GPR149: variants seen among roughly 807,000 people sequenced by gnomAD.
GPR149 encodes the protein probable G protein-coupled receptor 149.
A neutral mutation model predicts 50.2 loss-of-function variants in GPR149; 50 were observed. That is an observed-to-expected ratio of 1.00 (90% CI 0.79 to 1.26). GPR149 has a LOEUF of 1.26. GPR149 is among the 50% of genes most tolerant of loss of function. The pLI is 0.00. For synonymous variants in GPR149, 405 were observed against 358.2 expected (o/e 1.13, Z -1.48); for missense variants, 983 against 895.4 (o/e 1.10, Z -1.25).
At chr3:154,385,578 T>G (rs573190195) in intron 3 of GPR149, among the ~76,000 whole-genome samples, 1 of 152,258 alleles carries the variant, frequency 6.6e-6, no homozygotes, top group South Asian at 2.1e-4. Flanking sequence ...CTTTTTGGTT[T>G]GTTCGTTTTT....
intron 3 of GPR149, among the ~76,000 whole-genome samples, chr3:154,366,454 T>C (rs1332245148): frequency 6.6e-5 from 10 of 152,222 alleles, no homozygotes. Flanking sequence ...ACAATCTCCA[T>C]TAATGCAGCC....
At chr3:154,396,535 G>T (rs1477004890) in intron 3 of GPR149, among the ~76,000 whole-genome samples, 1 of 152,006 alleles carries the variant, frequency 6.6e-6, no homozygotes, top group Non-Finnish European at 1.5e-5. Flanking sequence ...TTTTTAGACA[G>T]TTTAAATTAA....
chr3:154,353,782 G>T, intron 3 of GPR149: 1 of 728,290 alleles, frequency 1.4e-6, no homozygotes, highest in Non-Finnish European at 2.5e-6. Flanking sequence ...TGTCTTTCCT[G>T]TTCCTGTCCA....
chr3:154,429,378 T>G lies in GPR149; in HGVS notation c.238A>C (p.Met80Leu), dbSNP rs952589424. Residue 80 changes from methionine (M) to leucine (L), a missense_variant, in exon 1 of 4, where the codon ATG becomes CTG. Met to Leu is a conservative substitution (Grantham distance 15). Coordinates refer to ENST00000389740, the MANE Select transcript of GPR149 (RefSeq NM_001038705.3). ...LVASWSVDDL[M>L]SVLSVTIFMF... ...AAGATGGTCACCGACAGGACGCTCA[T>G]GAGATCATCCACAGACCAGGAAGCC... 5.6e-6 allele frequency: 9 copies of G among 1,614,044 alleles called. No individual in the cohort carries two copies. Among genetic ancestry groups the G allele is most frequent in the Non-Finnish European group, 7.6e-6 (9 of 1,180,028 alleles).
At chr3:154,374,279 A>G (rs1714741343) in intron 3 of GPR149, among the ~76,000 whole-genome samples, 1 of 148,984 alleles carries the variant, frequency 6.7e-6, no homozygotes, top group Non-Finnish European at 1.5e-5. Flanking sequence ...GGTTCAAGCG[A>G]TTCTTGTGCC....
At chr3:154,410,496 C>T (rs922205997) in intron 3 of GPR149, among the ~76,000 whole-genome samples, 1 of 151,828 alleles carries the variant, frequency 6.6e-6, no homozygotes, top group African/African-American at 2.4e-5. Flanking sequence ...ACTCGCCTAA[C>T]ACGTAAGGAT....
chr3:154,427,936 G>C (rs1298569330), intron 1 of GPR149, among the ~76,000 whole-genome samples: 1 of 152,076 alleles, frequency 6.6e-6, no homozygotes, highest in African/African-American at 2.4e-5. Context: ...CCGGATCTGC[G>C]CCCGCTGCCT....
chr3:154,342,588 T>C (rs973165158), intron 3 of GPR149, among the ~76,000 whole-genome samples: 1 of 152,148 alleles, frequency 6.6e-6, no homozygotes, highest in African/African-American at 2.4e-5. Flanking sequence ...TTTGTGTTTT[T>C]AGTAGAGACA....
chr3:154,416,084 G>T (rs556710763), intron 3 of GPR149, among the ~76,000 whole-genome samples: 6 of 151,630 alleles, frequency 4.0e-5, no homozygotes, highest in Admixed American at 1.3e-4. Flanking sequence ...CACTGTTCTC[G>T]TTTTTTAAAT....
chr3:154,351,245 A>G (rs1714069392), intron 3 of GPR149, among the ~76,000 whole-genome samples: 1 of 150,004 alleles, frequency 6.7e-6, no homozygotes, highest in African/African-American at 2.5e-5. Flanking sequence ...CAAAGGTACA[A>G]AAACAATTCA....
chr3:154,410,660 G>A (rs1023907504), intron 3 of GPR149, among the ~76,000 whole-genome samples: 1 of 152,094 alleles, frequency 6.6e-6, no homozygotes, highest in Non-Finnish European at 1.5e-5. Context: ...AAATATACAT[G>A]CACCTAACAC....
At chr3:154,354,168 C>A in intron 3 of GPR149, 3 of 493,048 alleles carry the variant, frequency 6.1e-6, no homozygotes, top group South Asian at 4.8e-5. Flanking sequence ...GCATCCAGGT[C>A]ATCTATAACA....
intron 3 of GPR149, among the ~76,000 whole-genome samples, chr3:154,408,861 C>T (rs749419800): frequency 2.0e-5 from 3 of 152,212 alleles, no homozygotes; most frequent in Non-Finnish European, 2.9e-5. Context: ...TTACATCCTC[C>T]CTATAGGGCT....
chr3:154,356,394 C>A (rs1450621430), intron 3 of GPR149, among the ~76,000 whole-genome samples: 1 of 152,084 alleles, frequency 6.6e-6, no homozygotes, highest in Non-Finnish European at 1.5e-5. Flanking sequence ...TCAAATTGTC[C>A]CTGTTTGCAG....
At chr3:154,384,378 C>T (rs1715002262) in intron 3 of GPR149, among the ~76,000 whole-genome samples, 1 of 152,196 alleles carries the variant, frequency 6.6e-6, no homozygotes, top group Non-Finnish European at 1.5e-5. Context: ...AATCAAGGTA[C>T]ATACCTCTAC....
At chr3:154,352,263 G>A in intron 3 of GPR149, 1 of 843,218 alleles carries the variant, frequency 1.2e-6, no homozygotes, top group South Asian at 1.6e-5. Flanking sequence ...GCCACCAGAT[G>A]GACCACCTGA....
chr3:154,382,121 G>T (rs894145276), intron 3 of GPR149, among the ~76,000 whole-genome samples: 1 of 152,140 alleles, frequency 6.6e-6, no homozygotes, highest in South Asian at 2.1e-4. Context: ...GATTATGAGA[G>T]ACTAGAAGAC....
At chr3:154,403,564 ATCT>A (rs1217151944) in intron 3 of GPR149, among the ~76,000 whole-genome samples, 3 of 152,180 alleles carry the variant, frequency 2.0e-5, no homozygotes, top group East Asian at 1.9e-4. Context: ...AAGTATAGAA[ATCT>A]TCTTTTTTGC....
intron 2 of GPR149, among the ~76,000 whole-genome samples, chr3:154,421,692 A>G (rs912354758): frequency 3.7e-4 from 56 of 151,854 alleles, no homozygotes; most frequent in Admixed American, 1.4e-3. Context: ...TTTCTCATTT[A>G]CAAAATGATG....
Sources: gnomAD v4.1 joint callset for allele counts (sites outside exome capture counted in the v4.1 genomes callset) on GRCh38, gnomAD v4.1.1 for gene constraint, MANE v1.5 for transcripts, NCBI Gene and HGNC (gene_info 2026-07-23, HGNC 2026-07-21) for gene names.